The following ARHGAP19 variants were observed in gnomAD, a reference collection of about 807,000 sequenced individuals.
The protein encoded by ARHGAP19 is rho GTPase-activating protein 19.
Under a neutral mutation model 60.9 loss-of-function variants are expected in ARHGAP19, and 48 were observed. That is an observed-to-expected ratio of 0.79 (90% confidence interval 0.62 to 1.00). The LOEUF (loss-of-function observed/expected upper bound fraction) is 1.00, where lower values mean the gene tolerates loss of function less well. Among genes scored for constraint, ARHGAP19 ranks in the 50% least tolerant of loss-of-function variants. The pLI, the probability that ARHGAP19 is intolerant of heterozygous loss-of-function variation, is 0.00. For missense variants in ARHGAP19, 562 were observed against 597.2 expected, an observed-to-expected ratio of 0.94 and a Z score of 0.61; for synonymous variants, 209 against 215.5, an observed-to-expected ratio of 0.97 and a Z score of 0.27.
intron 1 of ARHGAP19, chr10:97,270,550 A>G: frequency 2.8e-6 from 4 of 1,453,386 alleles, no homozygotes; most frequent in African/African-American, 1.4e-5. Flanking sequence ...CTACTCTACA[A>G]TATTGTAAAA....
rs978547999 is a variant in ARHGAP19, at chr10:97,224,374, C to A, written c.*1748G>T. 1 of 152,138 alleles carries A rather than the reference C, an allele frequency of 6.6e-6. No individual in the cohort carries two copies. The highest frequency in any genetic ancestry group is 1.5e-5 in the Non-Finnish European group (1 of 68,014). The allele number at this position is 152,138 out of a possible 1,614,324, so 9.4% of individuals were successfully genotyped here. A position where few individuals can be genotyped will look rare whatever the true frequency, so the allele number is the denominator to read the frequency against. ...AATATTTAATAGAAACCTACGCAAA[C>A]GAATTTGCTAATATGTGTTTTTACA... On this transcript the variant is annotated 3_prime_UTR_variant, in exon 12 of 12. Transcript: ENST00000358531.
At chr10:97,227,467 T>C (rs1278808735) in intron 11 of ARHGAP19, among the ~76,000 whole-genome samples, 2 of 151,822 alleles carry the variant, frequency 1.3e-5, no homozygotes, top group East Asian at 3.9e-4. Flanking sequence ...GAACTTAAGA[T>C]AGAGCATTGA....
intron 1 of ARHGAP19, among the ~76,000 whole-genome samples, chr10:97,292,112 CGA>C (rs71488824): frequency 0.24 from 35,752 of 152,072 alleles, 4,594 homozygotes; most frequent in Non-Finnish European, 0.3. Context: ...AAACTGAAGT[CGA>C]GAGAGGTTTA....
rs1176733220 is a variant in ARHGAP19, at chr10:97,222,364, T to C, written c.*3758A>G. The C allele has an allele frequency of 6.6e-6, 1 of 152,254 alleles. No homozygotes were observed. The highest frequency in any genetic ancestry group is 2.4e-5 in the African/African-American group (1 of 41,472). 9.4% of individuals were successfully genotyped at this position (152,254 alleles called of 1,614,324 possible). A position where few individuals can be genotyped will look rare whatever the true frequency, so the allele number is the denominator to read the frequency against. ...GGGATAGGACAAAGGCAACCCTTGC[T>C]CTGCAGAAAGAACCCTGGGGTGAGG... On this transcript the variant is annotated 3_prime_UTR_variant, in exon 12 of 12. Transcript: ENST00000358531.
In ARHGAP19 at chr10:97,225,982, C is replaced by T. The variant is rs74152149; in HGVS notation, c.*140G>A. ...AGTGAGTGGGGTTAGAGGTATCAGT[C>T]GGGTCACGGTATTAGTTGGCTTTGA... On this transcript the variant is annotated 3_prime_UTR_variant, in exon 12 of 12. Transcript: ENST00000358531. 6.9e-3 allele frequency: 5,640 copies of T among 815,658 alleles called. 186 individuals carry two copies. The African/African-American group carries it at 0.084, about 12-fold the overall frequency. 50.5% of individuals were successfully genotyped at this position (815,658 alleles called of 1,614,324 possible). A position where few individuals can be genotyped will look rare whatever the true frequency, so the allele number is the denominator to read the frequency against.
intron 8 of ARHGAP19, among the ~76,000 whole-genome samples, chr10:97,242,326 T>C (rs1842499058): frequency 7.9e-6 from 1 of 126,604 alleles, no homozygotes; most frequent in African/African-American, 3.5e-5. Context: ...TCAGTGTTCT[T>C]TTTTTTTTTT....
chr10:97,291,721 G>T (rs1318473262), intron 1 of ARHGAP19, among the ~76,000 whole-genome samples: 1 of 152,156 alleles, frequency 6.6e-6, no homozygotes, highest in East Asian at 1.9e-4. Flanking sequence ...ACCAAAAGAC[G>T]CCAAACCGAA....
At chr10:97,292,314 A>T (rs1268982124) in intron 1 of ARHGAP19, among the ~76,000 whole-genome samples, 1 of 151,980 alleles carries the variant, frequency 6.6e-6, no homozygotes, top group East Asian at 1.9e-4. Context: ...CAGCGCTGCC[A>T]CCCCCAGCTG....
intron 1 of ARHGAP19, 142 bp downstream of exon 1, chr10:97,292,430 C>T (rs1843249568): frequency 1.8e-6 from 2 of 1,118,058 alleles, no homozygotes; most frequent in South Asian, 1.3e-5. Flanking sequence ...CGCGCCTCAG[C>T]CCCCGCAGGC....
rs1749799584 is a variant in ARHGAP19, at chr10:97,223,724, A to C, written c.*2398T>G. ...AAAAACAATACCTGCCCACCAAATC[A>C]GAAGGGAGACAGCAGCCTTCTGTGG... On this transcript the variant is annotated 3_prime_UTR_variant, in exon 12 of 12. Coordinates refer to ENST00000358531, the MANE Select transcript of ARHGAP19 (RefSeq NM_032900.6). 1 of 152,228 alleles carries C rather than the reference A, an allele frequency of 6.6e-6. No homozygotes were observed. 9.4% of individuals were successfully genotyped at this position (152,228 alleles called of 1,614,324 possible). A position where few individuals can be genotyped will look rare whatever the true frequency, so the allele number is the denominator to read the frequency against.
intron 1 of ARHGAP19, among the ~76,000 whole-genome samples, chr10:97,280,113 A>C (rs1337145551): frequency 6.6e-6 from 1 of 152,192 alleles, no homozygotes; most frequent in African/African-American, 2.4e-5. Context: ...TTGTATTAAG[A>C]AAGTAACATC....
intron 1 of ARHGAP19, among the ~76,000 whole-genome samples, chr10:97,281,653 C>T (rs1843087685): frequency 6.6e-6 from 1 of 152,146 alleles, no homozygotes; most frequent in Admixed American, 6.5e-5. Context: ...CTCTGGCCTC[C>T]AGGAACTGAA....
intron 8 of ARHGAP19, among the ~76,000 whole-genome samples, chr10:97,238,950 T>C (rs1842425515): frequency 6.6e-6 from 1 of 152,214 alleles, no homozygotes; most frequent in Non-Finnish European, 1.5e-5. Flanking sequence ...ATTTTTACTG[T>C]ACCTTTCCTT....
Position 97,244,033 on chromosome 10 carries a change from T to C in ARHGAP19, c.1120A>G (p.Arg374Gly). The C allele has an allele frequency of 6.2e-7, 1 of 1,614,070 alleles. No individual in the cohort carries two copies. The highest frequency in any genetic ancestry group is 8.5e-7 in the Non-Finnish European group (1 of 1,179,996). Reference protein sequence around the residue: ...ETQHHTEEALRELFQHVHDMP... With the variant: ...ETQHHTEEALGELFQHVHDMP... ...TCATGAACGTGTTGAAACAGCTCTC[T>C]CAGTGCCTCTTCCGTATGGTGCTGG... The change falls in exon 8 of 12, where the codon AGA becomes GGA. Residue 374 changes from arginine to glycine, a missense_variant. Physicochemically the swap from Arg to Gly is moderately radical, Grantham distance 125. Coordinates refer to ENST00000358531, the MANE Select transcript of ARHGAP19 (RefSeq NM_032900.6).
intron 1 of ARHGAP19, among the ~76,000 whole-genome samples, chr10:97,271,211 G>A (rs924347012): frequency 1.3e-5 from 2 of 152,036 alleles, no homozygotes; most frequent in African/African-American, 4.8e-5. Context: ...AAGTCACAAT[G>A]CCTCTAAAGA....
At chr10:97,256,512 T>G in intron 5 of ARHGAP19, 108 bp from the exon 6 acceptor site, 2 of 777,040 alleles carry the variant, frequency 2.6e-6, no homozygotes, top group East Asian at 5.0e-5. Context: ...CTAGCCTAGG[T>G]GCCTCTAATA....
intron 8 of ARHGAP19, among the ~76,000 whole-genome samples, chr10:97,243,593 AC>A (rs1842520117): frequency 6.6e-6 from 1 of 152,228 alleles, no homozygotes; most frequent in Admixed American, 6.6e-5. Flanking sequence ...CAACTTTGAA[AC>A]ATTGCTGTTA....
chr10:97,232,154 ATTTTTTTTTTT>A (rs1170639718), intron 9 of ARHGAP19, among the ~76,000 whole-genome samples: 12 of 56,306 alleles, frequency 2.1e-4, no homozygotes, highest in Non-Finnish European at 1.7e-4. Context: ...TTTGCTCACT[ATTTTTTTTTTT>A]TTTTTTTTTT....
chr10:97,287,791 G>C (rs928421206), intron 1 of ARHGAP19, among the ~76,000 whole-genome samples: 4 of 151,540 alleles, frequency 2.6e-5, no homozygotes, highest in Admixed American at 2.6e-4. Context: ...GGCTGGGTGC[G>C]GTGGCTCACG....
Sources: allele counts gnomAD v4.1 joint callset (sites outside exome capture counted in the v4.1 genomes callset), GRCh38; gene constraint gnomAD v4.1.1; transcripts MANE v1.5; gene names NCBI Gene and HGNC (gene_info 2026-07-23, HGNC 2026-07-21).